Variants in FBRSL1 observed in about 807,000 individuals in gnomAD.
FBRSL1 encodes fibrosin-1-like protein.
Under a neutral mutation model 89.6 loss-of-function variants are expected in FBRSL1, and 51 were observed. The ratio of observed to expected loss-of-function variants is 0.57; its 90% confidence interval spans 0.45 to 0.72. The LOEUF (loss-of-function observed/expected upper bound fraction) is 0.72. FBRSL1 is among the 30% of genes least tolerant of loss of function. FBRSL1 has a pLI of 0.00. For synonymous variants in FBRSL1, 779 were observed against 681.1 expected, an observed-to-expected ratio of 1.14 and a Z score of -2.24; for missense variants, 1,618 against 1,451.8, an observed-to-expected ratio of 1.11 and a Z score of -1.86.
At chr12:132,564,831 G>C (rs143029521) in intron 5 of FBRSL1, among the ~76,000 whole-genome samples, 1 of 148,162 alleles carries the variant, frequency 6.7e-6, no homozygotes, top group African/African-American at 2.6e-5. Flanking sequence ...GGGTTTCACC[G>C]TGTTGGCCAG....
At chr12:132,518,260 A>C (rs1342288566) in intron 2 of FBRSL1, among the ~76,000 whole-genome samples, 1 of 149,710 alleles carries the variant, frequency 6.7e-6, no homozygotes, top group Non-Finnish European at 1.5e-5. Context: ...CTGTCTGTCC[A>C]TCCATCCACC....
At chr12:132,544,133 G>A (rs1260080381) in intron 4 of FBRSL1, among the ~76,000 whole-genome samples, 1 of 152,186 alleles carries the variant, frequency 6.6e-6, no homozygotes, top group Admixed American at 6.5e-5. Flanking sequence ...CCCACCCCAG[G>A]CACCCGGGTT....
chr12:132,539,468 G>A (rs144371807), intron 4 of FBRSL1, among the ~76,000 whole-genome samples: 3 of 14,074 alleles, frequency 2.1e-4, no homozygotes, highest in Admixed American at 2.2e-3. Context: ...CCTCCAGCCC[G>A]ATGCCCACCC....
intron 4 of FBRSL1, 24 bp from the exon 5 acceptor site, chr12:132,547,979 A>G: frequency 6.5e-7 from 1 of 1,549,310 alleles, no homozygotes; most frequent in Non-Finnish European, 8.7e-7. Flanking sequence ...GCCCCGACTC[A>G]CTTCTGTCTC....
chr12:132,544,803 A>G (rs2137266731), intron 4 of FBRSL1, among the ~76,000 whole-genome samples: 1 of 150,612 alleles, frequency 6.6e-6, no homozygotes, highest in East Asian at 2.0e-4. Flanking sequence ...TGATGGTGGC[A>G]ATGGCGAGGA....
chr12:132,529,282 G>A (rs888913081), intron 4 of FBRSL1, among the ~76,000 whole-genome samples: 2 of 152,320 alleles, frequency 1.3e-5, no homozygotes, highest in East Asian at 1.9e-4. Context: ...TGGTGGGGAC[G>A]GCCCCCCACT....
intron 2 of FBRSL1, among the ~76,000 whole-genome samples, chr12:132,515,962 G>A (rs2034806372): frequency 6.7e-6 from 1 of 150,212 alleles, no homozygotes; most frequent in Non-Finnish European, 1.5e-5. Context: ...AATGAACAAT[G>A]CCAAAAGGTG....
intron 5 of FBRSL1, among the ~76,000 whole-genome samples, chr12:132,558,757 C>G (rs1032654041): frequency 3.9e-5 from 6 of 152,248 alleles, no homozygotes; most frequent in African/African-American, 1.4e-4. Context: ...GCGGGCTCCG[C>G]CATGGATAGG....
chr12:132,545,304 G>A (rs2037598065), intron 4 of FBRSL1, among the ~76,000 whole-genome samples: 1 of 152,220 alleles, frequency 6.6e-6, no homozygotes, highest in Non-Finnish European at 1.5e-5. Context: ...GCCTCACTCG[G>A]GCAGCTTCCG....
chr12:132,529,676 G>A (rs1009091150), intron 4 of FBRSL1, among the ~76,000 whole-genome samples: 7 of 106,678 alleles, frequency 6.6e-5, no homozygotes, highest in African/African-American at 1.6e-4. Context: ...CCCTGGGCTC[G>A]GCTCTGCACC....
At chr12:132,495,317 C>T (rs751393592) in intron 1 of FBRSL1, among the ~76,000 whole-genome samples, 3 of 152,170 alleles carry the variant, frequency 2.0e-5, no homozygotes, top group South Asian at 2.1e-4. Flanking sequence ...GGGCTGGGCC[C>T]GGCCTGCCGA....
At chr12:132,571,967 AC>A in intron 9 of FBRSL1, 1 of 434,796 alleles carries the variant, frequency 2.3e-6, no homozygotes, top group Non-Finnish European at 4.1e-6. Context: ...TTTGTCAGTA[AC>A]CCGGTGTGTC....
chr12:132,528,822 GGT>G (rs1383736870), intron 4 of FBRSL1, among the ~76,000 whole-genome samples: 1 of 152,134 alleles, frequency 6.6e-6, no homozygotes, highest in East Asian at 1.9e-4. Flanking sequence ...TGGGTACACG[GGT>G]GTGTTTCAGG....
At chr12:132,528,553 G>A (rs2035990789) in intron 4 of FBRSL1, among the ~76,000 whole-genome samples, 1 of 151,824 alleles carries the variant, frequency 6.6e-6, no homozygotes, top group Non-Finnish European at 1.5e-5. Flanking sequence ...CTTCATGACG[G>A]GTGTGTGCCC....
intron 5 of FBRSL1, among the ~76,000 whole-genome samples, chr12:132,555,565 G>A (rs368590434): frequency 3.3e-5 from 5 of 152,276 alleles, no homozygotes; most frequent in South Asian, 2.1e-4. Context: ...TCACCCGAGC[G>A]TGAGCGTGGG....
Position 132,509,027 on chromosome 12 carries a change from G to A in FBRSL1, c.489+677G>A, listed in dbSNP as rs1323418214. 24 of 1,178,312 alleles carry A rather than the reference G, an allele frequency of 2.0e-5. No individual in the cohort carries two copies. In the African/African-American group the frequency reaches 2.1e-4, roughly 10 times the overall value. 73.0% of individuals were successfully genotyped at this position (1,178,312 alleles called of 1,614,324 possible). On this transcript the variant is annotated intron_variant, in intron 2 of 18. Transcript: ENST00000680143. ...TTCCTTCCAGGGTGGGGCTCTGCGC[G>A]GTGTCCTCGGCTCTCCTCGGCCCCC...
chr12:132,567,405 G>A (rs975789656), intron 5 of FBRSL1, 76 bp from the exon 6 acceptor site: 2 of 1,438,634 alleles, frequency 1.4e-6, no homozygotes, highest in African/African-American at 1.4e-5. Context: ...CCAGACTTGT[G>A]TGTGGGCATT....
rs940535251 is a variant in FBRSL1 at position 132,575,767 on chromosome 12, C to T, written c.1702-1032C>T. ...TGCCCAGCCCTCACGCCTGCCCCCA[C>T]GTAGTGCCAGAGTACCCCAGCATCA... On this transcript the variant is annotated intron_variant, in intron 14 of 18. Coordinates refer to ENST00000680143, the MANE Select transcript of FBRSL1 (RefSeq NM_001367871.1). Among the ~76,000 whole-genome samples, 7 of 152,284 alleles carry T rather than the reference C, an allele frequency of 4.6e-5. No individual in the cohort carries two copies. In the East Asian group the frequency reaches 5.8e-4, roughly 13 times the overall value.
In FBRSL1 at chr12:132,582,203, A is replaced by G. The variant is rs1179742919; in HGVS notation, c.2138A>G (p.Glu713Gly). Residue 713 changes from glutamate (E) to glycine (G), a missense_variant, in exon 18 of 19, where the codon GAG becomes GGG. By Grantham distance (98) the Glu-to-Gly change is moderately conservative (BLOSUM62 -2). Transcript: ENST00000680143. ...PPPWPKSVDAERVSALTNHDR... is the reference protein window; with the variant it reads ...PPPWPKSVDAGRVSALTNHDR... ...CCGTGGCCCAAGTCCGTGGACGCGG[A>G]GCGGGTGTCAGCCCTGACCAACCAT... 6.5e-7 allele frequency: 1 copy of G among 1,550,132 alleles called. No individual in the cohort carries two copies. Among genetic ancestry groups the G allele is most frequent in the African/African-American group, 1.4e-5 (1 of 73,152 alleles).
Sources: allele counts gnomAD v4.1 joint callset (sites outside exome capture counted in the v4.1 genomes callset), GRCh38; gene constraint gnomAD v4.1.1; transcripts MANE v1.5; gene names NCBI Gene and HGNC (gene_info 2026-07-23, HGNC 2026-07-21).